ELAVL4: variants seen among roughly 807,000 people sequenced by gnomAD.
ELAVL4 encodes the protein ELAV like RNA binding protein 4, also known as ELAV-like protein 4.
ELAVL4 carries 1 observed loss-of-function variant against 35.6 expected under a neutral mutation model. The ratio of observed to expected loss-of-function variants is 0.03; its 90% confidence interval spans 0.01 to 0.13. The LOEUF is 0.13. ELAVL4 is among the 10% of genes least tolerant of loss of function. The pLI is 1.00. For missense variants in ELAVL4, 267 were observed against 464.9 expected, an observed-to-expected ratio of 0.57 and a Z score of 3.91; for synonymous variants, 156 against 171.0, an observed-to-expected ratio of 0.91 and a Z score of 0.69.
upstream of ELAVL4, among the ~76,000 whole-genome samples, chr1:50,101,957 C>G (rs937369889): frequency 6.6e-6 from 1 of 152,234 alleles, no homozygotes; most frequent in African/African-American, 2.4e-5. Flanking sequence ...AGTAGACTCC[C>G]GGTAAAATAT....
intron 1 of ELAVL4, among the ~76,000 whole-genome samples, chr1:50,139,839 T>C (rs975304936): frequency 1.8e-4 from 27 of 152,100 alleles, no homozygotes; most frequent in African/African-American, 6.5e-4. Flanking sequence ...CCTCTTGCTT[T>C]TGTTGTATAT....
chr1:50,092,803 C>G (rs1665552274), intron 1 of ELAVL4, among the ~76,000 whole-genome samples: 1 of 152,118 alleles, frequency 6.6e-6, no homozygotes, highest in Admixed American at 6.6e-5. Flanking sequence ...TTAGGTAAAC[C>G]AGCACCATGC....
chr1:50,151,442 G>A (rs1039155595), intron 2 of ELAVL4, among the ~76,000 whole-genome samples: 6 of 152,034 alleles, frequency 3.9e-5, no homozygotes, highest in African/African-American at 1.2e-4. Context: ...TTCTCTTTTC[G>A]TGAAATACTC....
At chr1:50,105,805 C>T (rs374786872), upstream of ELAVL4, 31 of 154,552 alleles carry the variant, frequency 2.0e-4, no homozygotes, top group East Asian at 4.2e-3. Flanking sequence ...AATATATTGA[C>T]TGTTCCGTGG....
intron 2 of ELAVL4, among the ~76,000 whole-genome samples, 169 bp downstream of exon 2, chr1:50,145,366 T>C (rs549747265): frequency 6.6e-6 from 1 of 152,334 alleles, no homozygotes; most frequent in Non-Finnish European, 1.5e-5. Flanking sequence ...GACCTTATTG[T>C]AGATTGGTAC....
intron 1 of ELAVL4, among the ~76,000 whole-genome samples, chr1:50,081,083 T>G (rs189861889): frequency 3.9e-5 from 6 of 152,288 alleles, no homozygotes. Context: ...AAAGGAAAAC[T>G]TTCCCCTGAC....
intron 2 of ELAVL4, among the ~76,000 whole-genome samples, chr1:50,169,826 A>T (rs143618973): frequency 1.3e-5 from 2 of 152,174 alleles, no homozygotes; most frequent in African/African-American, 4.8e-5. Context: ...CTCTGTTCTT[A>T]TATATAGCTT....
intron 2 of ELAVL4, among the ~76,000 whole-genome samples, chr1:50,153,790 G>C (rs376124659): frequency 6.6e-6 from 1 of 152,182 alleles, no homozygotes; most frequent in East Asian, 1.9e-4. Context: ...AGTAATTAAG[G>C]TTAAATGAGG....
At chr1:50,194,408 T>G (rs1283564381) in intron 4 of ELAVL4, among the ~76,000 whole-genome samples, 1 of 152,178 alleles carries the variant, frequency 6.6e-6, no homozygotes. Flanking sequence ...GAACCGAGGA[T>G]CTGGTACTGG....
chr1:50,126,709 AAG>A (rs1669981353), intron 1 of ELAVL4, among the ~76,000 whole-genome samples: 1 of 152,140 alleles, frequency 6.6e-6, no homozygotes, highest in Admixed American at 6.5e-5. Context: ...ATTGAAGAGA[AAG>A]AGAGAAAAAA....
chr1:50,106,277 A>G, upstream of ELAVL4: 1 of 1,604,976 alleles, frequency 6.2e-7, no homozygotes, highest in Non-Finnish European at 8.5e-7. Flanking sequence ...CCGGCGACTG[A>G]TGCTGAGATA....
chr1:50,109,979 G>A (rs535102922), intron 1 of ELAVL4: 51 of 1,612,148 alleles, frequency 3.2e-5, no homozygotes, highest in Admixed American at 3.3e-5. Context: ...GTGAAAAGAG[G>A]AAGGCAGCCT....
chr1:50,086,204 A>G (rs1665233333), intron 1 of ELAVL4, among the ~76,000 whole-genome samples: 1 of 151,966 alleles, frequency 6.6e-6, no homozygotes, highest in Non-Finnish European at 1.5e-5. Flanking sequence ...ATTGCTTTTA[A>G]GCTTATAAGA....
chr1:50,179,281 T>C (rs1680639255), intron 3 of ELAVL4, among the ~76,000 whole-genome samples: 1 of 152,022 alleles, frequency 6.6e-6, no homozygotes, highest in Non-Finnish European at 1.5e-5. Flanking sequence ...GCTGAATCAA[T>C]AATTTCCATT....
intron 1 of ELAVL4, among the ~76,000 whole-genome samples, chr1:50,068,987 A>C (rs1664391254): frequency 6.6e-6 from 1 of 152,198 alleles, no homozygotes; most frequent in African/African-American, 2.4e-5. Context: ...ACATTTATTT[A>C]TTTTAGAGAG....
chr1:50,119,165 A>G (rs1193905140), intron 1 of ELAVL4, among the ~76,000 whole-genome samples: 3 of 152,140 alleles, frequency 2.0e-5, no homozygotes, highest in Non-Finnish European at 2.9e-5. Flanking sequence ...AATCTATTTT[A>G]AGTCTTCACC....
intron 1 of ELAVL4, among the ~76,000 whole-genome samples, chr1:50,068,350 G>A (rs920131663): frequency 4.6e-5 from 7 of 152,174 alleles, no homozygotes; most frequent in African/African-American, 1.7e-4. Flanking sequence ...CAGAAATGTA[G>A]TGAATCTCCA....
At chr1:50,152,285 C>T (rs1336556765) in intron 2 of ELAVL4, among the ~76,000 whole-genome samples, 1 of 152,130 alleles carries the variant, frequency 6.6e-6, no homozygotes, top group Non-Finnish European at 1.5e-5. Context: ...AGAGATGTCT[C>T]AAAGGATTTT....
chr1:50,131,903 C>A (rs900291381), intron 1 of ELAVL4, among the ~76,000 whole-genome samples: 32 of 146,500 alleles, frequency 2.2e-4, no homozygotes, highest in East Asian at 6.1e-4. Context: ...AAAAAAAAAA[C>A]CAGAAGTTTG....
Sources: allele counts gnomAD v4.1 joint callset (sites outside exome capture counted in the v4.1 genomes callset), GRCh38; gene constraint gnomAD v4.1.1; transcripts MANE v1.5; gene names NCBI Gene and HGNC (gene_info 2026-07-23, HGNC 2026-07-21).